The following GPR155 variants were observed in gnomAD, a reference collection of about 807,000 sequenced individuals.
GPR155 encodes the protein lysosomal cholesterol signaling protein.
Under a neutral mutation model 93.1 loss-of-function variants are expected in GPR155, and 65 were observed. The ratio of observed to expected loss-of-function variants is 0.70; its 90% CI spans 0.57 to 0.86. The LOEUF (loss-of-function observed/expected upper bound fraction) is 0.86. Among genes scored for constraint, GPR155 ranks in the 40% least tolerant of loss-of-function variants. The pLI is 0.00. For synonymous variants in GPR155, 319 were observed against 360.1 expected (o/e 0.89, Z 1.29); for missense variants, 838 against 1,034.8 (o/e 0.81, Z 2.61).
chr2:174,481,672 A>C lies in GPR155; in HGVS notation c.285T>G (p.Phe95Leu). ...LLFKNMVVLN[F>L]SNVDWSFLYS... ...ATAGGAAGGACCAGTCCACATTGGA[A>C]AAATTAAGTACAACCATGTTTTTGA... is the stretch of plus-strand genomic sequence containing the variant. Residue 95 changes from phenylalanine (F) to leucine (L), a missense_variant, in exon 2 of 16, where the codon TTT becomes TTG. Transcript: ENST00000392552. 6.2e-7 allele frequency: 1 copy of C among 1,614,170 alleles called. No individual in the cohort carries two copies. The highest frequency in any genetic ancestry group is 8.5e-7 in the Non-Finnish European group (1 of 1,180,000).
intron 10 of GPR155, among the ~76,000 whole-genome samples, chr2:174,456,329 G>C (rs1037818527): frequency 1.3e-5 from 2 of 148,688 alleles, no homozygotes; most frequent in African/African-American, 5.0e-5. Flanking sequence ...TTTTGAGACA[G>C]TGTCTCGCTC....
At position 174,440,006 on chromosome 2, in the gene GPR155, G is replaced by C; in HGVS notation, c.2204C>G (p.Thr735Arg). 1.2e-6 allele frequency: 2 copies of C among 1,611,380 alleles called. No homozygotes were observed. The highest frequency in any genetic ancestry group is 1.7e-6 in the Non-Finnish European group (2 of 1,178,510). ...RLEFLWNNKD[T>R]AENRDSPVSE... ...AACAGGAGAATCCCTGTTTTCTGCT[G>C]TGTCTTTATTGTTCCATAGGAATTC... Residue 735 changes from threonine to arginine, a missense_variant, in exon 15 of 16, where the codon ACA (threonine) becomes AGA (arginine). Physicochemically the swap from Thr to Arg is moderately conservative, Grantham distance 71 (BLOSUM62 -1). Around this residue, in one of 3 missense-constraint regions of GPR155, gnomAD observed 146 missense variants for 177.5 expected, o/e 0.82. Coordinates refer to ENST00000392552, the MANE Select transcript of GPR155 (RefSeq NM_152529.7).
intron 11 of GPR155, among the ~76,000 whole-genome samples, chr2:174,450,462 A>G (rs1256289986): frequency 1.3e-5 from 2 of 152,152 alleles, no homozygotes; most frequent in Non-Finnish European, 2.9e-5. Context: ...ACACGTACCC[A>G]CTGAATCTAA....
At position 174,441,540 on chromosome 2, in the gene GPR155, G is replaced by A. The variant is rs185991170; in HGVS notation, c.2174+579C>T. Among the ~76,000 whole-genome samples, 418 of 151,714 alleles carry A rather than the reference G, an allele frequency of 2.8e-3. 1 individual carries two copies. Among genetic ancestry groups the A allele is most frequent in the African/African-American group, 9.5e-3 (391 of 41,320 alleles). On this transcript the variant is annotated intron_variant, in intron 14 of 15. Transcript: ENST00000392552. ...GTTGGTGTGCTGCACCCATTAACTC[G>A]TCGTTTACATTAGGTATATCTCCTA...
chr2:174,443,553 A>C (rs936195875), intron 13 of GPR155, among the ~76,000 whole-genome samples: 4 of 152,148 alleles, frequency 2.6e-5, no homozygotes, highest in Admixed American at 6.6e-5. Flanking sequence ...ACATGGTGAA[A>C]CCTCATCTCT....
chr2:174,449,576 G>C (rs1019014390), intron 11 of GPR155, among the ~76,000 whole-genome samples: 51 of 152,346 alleles, frequency 3.3e-4, no homozygotes, highest in African/African-American at 1.2e-3. Context: ...CAGGCACAGT[G>C]GCTCATGCCT....
At chr2:174,482,501 TA>T (rs1324826495) in intron 1 of GPR155, among the ~76,000 whole-genome samples, 3 of 152,288 alleles carry the variant, frequency 2.0e-5, no homozygotes. Flanking sequence ...TATTTGAATA[TA>T]GGATGGGAAG....
chr2:174,454,718 G>A (rs1312879089), intron 10 of GPR155, among the ~76,000 whole-genome samples: 1 of 121,164 alleles, frequency 8.3e-6, no homozygotes, highest in Non-Finnish European at 1.8e-5. Flanking sequence ...GGAAAGGAAG[G>A]GAAGAAAGGG....
rs965532347 is a variant in GPR155 at position 174,468,981 on chromosome 2, G to A, written c.1113C>T (p.Asp371=). 1 of 1,613,858 alleles carries A rather than the reference G, an allele frequency of 6.2e-7. No individual in the cohort carries two copies. Among genetic ancestry groups the A allele is most frequent in the Admixed American group, 1.7e-5 (1 of 60,010 alleles). ...SAWLLTFPTM[D]PKPLAYAIQN... The stretch of plus-strand genomic sequence containing the variant: ...GGATGGCATATGCCAATGGCTTAGG[G>A]TCCATAGTGGGAAAGGTCAGTAACC... The change falls in exon 5 of 16, where the codon GAC becomes GAT. Residue 371 remains aspartate, a synonymous_variant. Coordinates refer to ENST00000392552, the MANE Select transcript of GPR155 (RefSeq NM_152529.7).
chr2:174,460,129 C>A, intron 9 of GPR155, 41 bp from the exon 10 acceptor site: 17 of 1,143,468 alleles, frequency 1.5e-5, no homozygotes, highest in Non-Finnish European at 2.0e-5. Context: ...CTTTTCACAA[C>A]TTCATCTTGA....
Position 174,472,765 on chromosome 2 carries a change from A to G in GPR155, c.860+200T>C, listed in dbSNP as rs188473660. ...CCATCATCTTTATCCTCTGACAGTA[A>G]GATGGAAAGAATAAGCTACTGGGAA... On this transcript the variant is annotated intron_variant, in intron 3 of 15. Coordinates refer to ENST00000392552, the MANE Select transcript of GPR155 (RefSeq NM_152529.7). Among the ~76,000 whole-genome samples the G allele has an allele frequency of 2.4e-3, 366 of 152,344 alleles. 2 individuals are homozygous for G. Among genetic ancestry groups the G allele is most frequent in the African/African-American group, 8.6e-3 (357 of 41,574 alleles).
intron 1 of GPR155, among the ~76,000 whole-genome samples, chr2:174,485,066 A>G (rs985057363): frequency 6.6e-6 from 1 of 152,246 alleles, no homozygotes; most frequent in African/African-American, 2.4e-5. Context: ...TAGTTCTTCA[A>G]ACATAACTGG....
chr2:174,444,351 G>A (rs1431329913), intron 13 of GPR155, among the ~76,000 whole-genome samples: 1 of 151,088 alleles, frequency 6.6e-6, no homozygotes, highest in Non-Finnish European at 1.5e-5. Flanking sequence ...AGAGGCAGAG[G>A]TTGCAGTGAG....
chr2:174,485,167 T>C (rs918033569), intron 1 of GPR155, among the ~76,000 whole-genome samples: 6 of 152,260 alleles, frequency 3.9e-5, no homozygotes, highest in Non-Finnish European at 7.3e-5. Context: ...ATAAGTTGAA[T>C]TTAATTTGGT....
chr2:174,462,318 T>C (rs1331318295), intron 7 of GPR155, among the ~76,000 whole-genome samples: 1 of 152,104 alleles, frequency 6.6e-6, no homozygotes, highest in African/African-American at 2.4e-5. Flanking sequence ...GAAAAACATT[T>C]TTTTTTTCTT....
rs552045285 is a variant in GPR155, at chr2:174,438,653, G to A, written c.2312+1245C>T. 3.3e-5 allele frequency among the ~76,000 whole-genome samples: 5 copies of A among 152,052 alleles called. No individual in the cohort carries two copies. The South Asian group carries it at 6.2e-4, about 19-fold the overall frequency. On this transcript the variant is annotated intron_variant, in intron 15 of 15. Coordinates refer to ENST00000392552, the MANE Select transcript of GPR155 (RefSeq NM_152529.7). ...CTCCTGAGTAGCTTGAATTACAGGCGCCCGCCAACACACCCGGCTAGTTTT... is the reference window on the plus strand; with the variant it reads ...CTCCTGAGTAGCTTGAATTACAGGCACCCGCCAACACACCCGGCTAGTTTT...
At chr2:174,471,455 C>A in intron 3 of GPR155, among the ~76,000 whole-genome samples, 1 of 103,634 alleles carries the variant, frequency 9.6e-6, no homozygotes, top group Non-Finnish European at 1.9e-5. Flanking sequence ...CTTCAAGTAG[C>A]TCTTCATCTT....
chr2:174,465,738 G>C lies in GPR155; in HGVS notation c.1384+47C>G, dbSNP rs1235314073. On this transcript the variant is annotated intron_variant, in intron 7 of 15. Transcript: ENST00000392552. ...AGAAGCTCAGGGCTATTAGGAATGGGGTGGGGTGGGGAACAGATCTCAATT... is the reference window on the plus strand; with the variant it reads ...AGAAGCTCAGGGCTATTAGGAATGGCGTGGGGTGGGGAACAGATCTCAATT... The C allele has an allele frequency of 5.6e-6, 5 of 889,698 alleles. No homozygotes were observed. The African/African-American group carries it at 6.6e-5, about 12-fold the overall frequency. 55.1% of individuals were successfully genotyped at this position (889,698 alleles called of 1,614,324 possible).
intron 12 of GPR155, among the ~76,000 whole-genome samples, chr2:174,446,173 G>A (rs1687118139): frequency 6.6e-6 from 1 of 151,868 alleles, no homozygotes. Flanking sequence ...CAGGCATGGT[G>A]GCATGCGCCT....
Sources: gnomAD v4.1 joint callset for allele counts (sites outside exome capture counted in the v4.1 genomes callset) on GRCh38, gnomAD v4.1.1 for gene constraint, gnomAD v4.1.1 regional missense constraint, MANE v1.5 for transcripts, NCBI Gene and HGNC (gene_info 2026-07-23, HGNC 2026-07-21) for gene names.